The following PTPRN2 variants were observed in gnomAD, a reference collection of about 807,000 sequenced individuals.
The protein encoded by PTPRN2 is protein tyrosine phosphatase receptor type N2.
PTPRN2 carries 74 observed loss-of-function variants against 118.8 expected under a neutral mutation model. The observed-to-expected ratio is 0.62, with a 90% CI of 0.52 to 0.76. PTPRN2 has a LOEUF of 0.76. Ranked by LOEUF, PTPRN2 falls within the 30% of genes least tolerant of loss-of-function variation. PTPRN2 has a pLI of 0.00. For missense variants in PTPRN2, 1,481 were observed against 1,394.4 expected, an observed-to-expected ratio of 1.06 and a Z score of -0.99; for synonymous variants, 641 against 608.0, an observed-to-expected ratio of 1.05 and a Z score of -0.80.
At chr7:157,860,588 C>G (rs773232329) in intron 12 of PTPRN2, among the ~76,000 whole-genome samples, 1 of 152,252 alleles carries the variant, frequency 6.6e-6, no homozygotes, top group Non-Finnish European at 1.5e-5. Context: ...CGCGTTTCCA[C>G]GCTGGAACTA....
intron 2 of PTPRN2, among the ~76,000 whole-genome samples, chr7:158,417,787 T>C (rs11971302): frequency 0.47 from 38,564 of 82,688 alleles, 12,288 homozygotes; most frequent in East Asian, 0.79. Context: ...TAAGTCACGG[T>C]GTACTACATC....
chr7:157,803,993 A>T (rs545240328), intron 12 of PTPRN2, among the ~76,000 whole-genome samples: 43 of 152,350 alleles, frequency 2.8e-4, no homozygotes, highest in African/African-American at 1.0e-3. Context: ...CTCAAGAAAA[A>T]CTATTGAAAT....
intron 12 of PTPRN2, among the ~76,000 whole-genome samples, chr7:157,790,351 C>T (rs1160769957): frequency 1.3e-5 from 2 of 151,574 alleles, no homozygotes; most frequent in African/African-American, 4.9e-5. Flanking sequence ...TAACTTGGTT[C>T]TAAAGGTGGT....
chr7:158,068,145 A>G (rs1030631222), intron 11 of PTPRN2, among the ~76,000 whole-genome samples: 2 of 152,214 alleles, frequency 1.3e-5, no homozygotes, highest in Non-Finnish European at 2.9e-5. Flanking sequence ...AGAACGGCCC[A>G]TGCCAGCGGC....
intron 12 of PTPRN2, among the ~76,000 whole-genome samples, chr7:157,750,918 C>T (rs1350488469): frequency 1.3e-5 from 2 of 152,216 alleles, no homozygotes; most frequent in Admixed American, 6.5e-5. Flanking sequence ...CACCATCGGC[C>T]GATCTTCCTG....
intron 13 of PTPRN2, among the ~76,000 whole-genome samples, chr7:157,657,362 T>C (rs1226694082): frequency 6.2e-5 from 5 of 80,548 alleles, no homozygotes; most frequent in African/African-American, 1.6e-4. Context: ...ACCACACACA[T>C]CACACATATA....
intron 3 of PTPRN2, among the ~76,000 whole-genome samples, chr7:158,209,618 C>T (rs978312170): frequency 6.6e-6 from 1 of 152,216 alleles, no homozygotes; most frequent in Non-Finnish European, 1.5e-5. Context: ...CCACATGCCA[C>T]TTTCAGCACT....
chr7:158,216,931 T>C (rs1450385931), intron 3 of PTPRN2, among the ~76,000 whole-genome samples: 3 of 152,238 alleles, frequency 2.0e-5, no homozygotes, highest in East Asian at 1.9e-4. Context: ...TAGAAATCAA[T>C]AACAGAAAGA....
chr7:158,422,449 C>T (rs1450437513), intron 2 of PTPRN2, among the ~76,000 whole-genome samples: 2 of 152,176 alleles, frequency 1.3e-5, no homozygotes, highest in Non-Finnish European at 2.9e-5. Flanking sequence ...CTGAATGCTG[C>T]CAGATTCTCA....
intron 3 of PTPRN2, among the ~76,000 whole-genome samples, chr7:158,278,543 C>T (rs1281929956): frequency 6.6e-6 from 1 of 152,198 alleles, no homozygotes; most frequent in Non-Finnish European, 1.5e-5. Context: ...TCGAAACCAA[C>T]AATCAATACA....
chr7:158,078,253 G>A (rs966096036), intron 11 of PTPRN2, among the ~76,000 whole-genome samples: 4 of 152,134 alleles, frequency 2.6e-5, no homozygotes, highest in Non-Finnish European at 5.9e-5. Context: ...TGATCTCCCC[G>A]CATTAATAAC....
rs185797834 is a variant in PTPRN2, at chr7:157,957,552, T to A, written c.1724-58815A>T. Among the ~76,000 whole-genome samples, 23 of 152,058 alleles carry A rather than the reference T, an allele frequency of 1.5e-4. No homozygotes were observed. The East Asian group carries it at 4.4e-3, about 29-fold the overall frequency. ...AGTATTATTGTATTCTTTTTATTTATCTATTACTATTAATAATTATTATTT... is the reference window on the plus strand; with the variant it reads ...AGTATTATTGTATTCTTTTTATTTAACTATTACTATTAATAATTATTATTT... On this transcript the variant is annotated intron_variant, in intron 11 of 22. Transcript: ENST00000389418.
intron 12 of PTPRN2, among the ~76,000 whole-genome samples, chr7:157,777,406 ACTG>A (rs1803396495): frequency 6.6e-6 from 1 of 151,846 alleles, no homozygotes; most frequent in African/African-American, 2.4e-5. Context: ...AGTGCCCCAC[ACTG>A]CTAAGCTCAG....
At chr7:158,533,020 G>T (rs1433992377) in intron 1 of PTPRN2, among the ~76,000 whole-genome samples, 2 of 152,186 alleles carry the variant, frequency 1.3e-5, no homozygotes, top group South Asian at 4.1e-4. Flanking sequence ...AAACAGAACA[G>T]AAATGACTTG....
chr7:158,196,697 G>A (rs1272458180), intron 4 of PTPRN2, among the ~76,000 whole-genome samples: 1 of 152,150 alleles, frequency 6.6e-6, no homozygotes, highest in African/African-American at 2.4e-5. Context: ...CGGCTAGTGA[G>A]GATCTTGGGG....
intron 6 of PTPRN2, among the ~76,000 whole-genome samples, chr7:158,149,410 A>T (rs1330085295): frequency 1.3e-5 from 2 of 151,994 alleles, no homozygotes; most frequent in African/African-American, 4.8e-5. Flanking sequence ...TAAAACATAA[A>T]ATGTATAAGA....
At chr7:158,557,253 G>A (rs531464301) in intron 1 of PTPRN2, among the ~76,000 whole-genome samples, 2 of 142,408 alleles carry the variant, frequency 1.4e-5, no homozygotes, top group East Asian at 4.4e-4. Flanking sequence ...GTCACTCCCA[G>A]GCAGGTGGCT....
At chr7:158,132,786 T>C (rs1818474461) in intron 9 of PTPRN2, among the ~76,000 whole-genome samples, 1 of 150,026 alleles carries the variant, frequency 6.7e-6, no homozygotes, top group Non-Finnish European at 1.5e-5. Flanking sequence ...CACACACTCA[T>C]ATACACACAC....
At chr7:158,032,362 C>T (rs535835704) in intron 11 of PTPRN2, among the ~76,000 whole-genome samples, 5 of 152,240 alleles carry the variant, frequency 3.3e-5, no homozygotes, top group East Asian at 1.9e-4. Context: ...CCTCCTTCCC[C>T]GGCTTTGAAA....
Sources: gnomAD v4.1 joint callset for allele counts (sites outside exome capture counted in the v4.1 genomes callset) on GRCh38, gnomAD v4.1.1 for gene constraint, MANE v1.5 for transcripts, NCBI Gene and HGNC (gene_info 2026-07-23, HGNC 2026-07-21) for gene names.